ITGBL1: variants seen among roughly 807,000 people sequenced by gnomAD.
ITGBL1 encodes integrin beta-like protein 1.
Under a neutral mutation model 68.5 loss-of-function variants are expected in ITGBL1, and 51 were observed. The observed-to-expected ratio is 0.74, with a 90% CI of 0.59 to 0.94. The LOEUF is 0.94. ITGBL1 is among the 40% of genes least tolerant of loss of function. The probability of loss-of-function intolerance (pLI) is 0.00; values close to 1 mark genes in which losing one functional copy is unlikely to be tolerated. For synonymous variants in ITGBL1, 209 were observed against 227.3 expected (o/e 0.92, Z 0.72); for missense variants, 649 against 647.4 (o/e 1.00, Z -0.03).
intron 7 of ITGBL1, among the ~76,000 whole-genome samples, chr13:101,657,451 C>G (rs1375746408): frequency 2.0e-5 from 3 of 152,114 alleles, no homozygotes; most frequent in Non-Finnish European, 4.4e-5. Context: ...AAGTGCCCAT[C>G]AAACATTTTC....
rs115901014 is a variant in ITGBL1 at position 101,634,630 on chromosome 13, G to A, written c.1015+36331G>A. 1.9e-3 allele frequency among the ~76,000 whole-genome samples: 289 copies of A among 152,172 alleles called. 1 individual carries two copies. Among genetic ancestry groups the A allele is most frequent in the African/African-American group, 6.2e-3 (256 of 41,546 alleles). Reference sequence around the variant, plus strand: ...TTTCATTCATTTATTCCTTAATTACGTTTTTACAGTGGACCTACTCAGCTA... The same window carrying A: ...TTTCATTCATTTATTCCTTAATTACATTTTTACAGTGGACCTACTCAGCTA... On this transcript the variant is annotated intron_variant, in intron 7 of 10. Coordinates refer to ENST00000376180, the MANE Select transcript of ITGBL1 (RefSeq NM_004791.3).
intron 2 of ITGBL1, among the ~76,000 whole-genome samples, chr13:101,475,422 A>C (rs1029466934): frequency 2.0e-5 from 3 of 152,158 alleles, no homozygotes; most frequent in African/African-American, 7.2e-5. Flanking sequence ...GTTTGCTTAC[A>C]AGACCCAGAA....
At chr13:101,500,399 C>A (rs560962246) in intron 2 of ITGBL1, among the ~76,000 whole-genome samples, 1 of 152,236 alleles carries the variant, frequency 6.6e-6, no homozygotes, top group South Asian at 2.1e-4. Context: ...TCATGTTGCT[C>A]TTTGTCAATG....
intron 2 of ITGBL1, among the ~76,000 whole-genome samples, chr13:101,530,058 A>G (rs937547443): frequency 5.3e-5 from 8 of 152,176 alleles, no homozygotes; most frequent in Admixed American, 5.2e-4. Flanking sequence ...TCTAATAAAG[A>G]AACAGCCTAA....
chr13:101,563,646 T>A (rs1313592829), intron 2 of ITGBL1, among the ~76,000 whole-genome samples: 1 of 151,858 alleles, frequency 6.6e-6, no homozygotes, highest in African/African-American at 2.4e-5. Flanking sequence ...GCAAAGTGAA[T>A]CATAGTTAAA....
At chr13:101,554,486 G>T (rs981429131) in intron 2 of ITGBL1, among the ~76,000 whole-genome samples, 1 of 152,162 alleles carries the variant, frequency 6.6e-6, no homozygotes, top group African/African-American at 2.4e-5. Flanking sequence ...GTCCTTGTGG[G>T]CCCATCTACT....
At chr13:101,713,434 A>G (rs1350156241) in intron 9 of ITGBL1, 1 of 152,172 alleles carries the variant, frequency 6.6e-6, no homozygotes, top group Non-Finnish European at 1.5e-5. Flanking sequence ...TTTCAACGTG[A>G]TTTTGACTCA....
chr13:101,719,872 A>G (rs1458367730), downstream of ITGBL1: 1 of 152,066 alleles, frequency 6.6e-6, no homozygotes, highest in Non-Finnish European at 1.5e-5. Flanking sequence ...TCTGAGGGGA[A>G]AAAAATGGCG....
intron 7 of ITGBL1, among the ~76,000 whole-genome samples, chr13:101,649,852 T>A (rs2032685699): frequency 6.6e-6 from 1 of 152,214 alleles, no homozygotes; most frequent in Admixed American, 6.5e-5. Context: ...CATACCCTCT[T>A]AGTTTCACTT....
At chr13:101,555,694 G>GTA (rs386380482) in intron 2 of ITGBL1, among the ~76,000 whole-genome samples, 5 of 151,930 alleles carry the variant, frequency 3.3e-5, no homozygotes, top group African/African-American at 1.2e-4. Context: ...TTGTGTGTGT[G>GTA]TGTATGTTTT....
chr13:101,583,620 A>T (rs182595042), intron 6 of ITGBL1, among the ~76,000 whole-genome samples: 2 of 152,306 alleles, frequency 1.3e-5, no homozygotes, highest in Non-Finnish European at 2.9e-5. Context: ...GCATGCCCGT[A>T]TCAAAACATC....
intron 7 of ITGBL1, among the ~76,000 whole-genome samples, chr13:101,685,345 T>G (rs1022889658): frequency 6.6e-6 from 1 of 152,068 alleles, no homozygotes; most frequent in Non-Finnish European, 1.5e-5. Flanking sequence ...TGGGTTAGTG[T>G]TGGCACATAA....
intron 6 of ITGBL1, among the ~76,000 whole-genome samples, chr13:101,592,511 C>T (rs976559291): frequency 4.6e-5 from 7 of 151,928 alleles, no homozygotes; most frequent in African/African-American, 1.7e-4. Context: ...ATTGAAGACA[C>T]AAATAAATGG....
intron 2 of ITGBL1, among the ~76,000 whole-genome samples, chr13:101,458,612 C>G (rs948260806): frequency 2.0e-5 from 3 of 151,992 alleles, no homozygotes; most frequent in Admixed American, 1.3e-4. Flanking sequence ...GAGCCTCCCC[C>G]ACCAGTGGAT....
At chr13:101,636,158 T>C (rs1207323934) in intron 7 of ITGBL1, among the ~76,000 whole-genome samples, 1 of 152,136 alleles carries the variant, frequency 6.6e-6, no homozygotes, top group Non-Finnish European at 1.5e-5. Context: ...AGTTTGTCCC[T>C]ATATGTTGGT....
intron 2 of ITGBL1, among the ~76,000 whole-genome samples, chr13:101,463,807 G>A (rs541151496): frequency 3.3e-5 from 5 of 151,552 alleles, no homozygotes; most frequent in African/African-American, 1.2e-4. Flanking sequence ...TTAAAAATAT[G>A]TAATAAACAT....
At chr13:101,707,276 A>G (rs2034283394) in intron 9 of ITGBL1, among the ~76,000 whole-genome samples, 1 of 152,192 alleles carries the variant, frequency 6.6e-6, no homozygotes. Flanking sequence ...TCAGAACTAC[A>G]GAAAAGTAAT....
chr13:101,619,355 C>A (rs1006594559), intron 7 of ITGBL1, among the ~76,000 whole-genome samples: 1 of 151,578 alleles, frequency 6.6e-6, no homozygotes, highest in South Asian at 2.1e-4. Flanking sequence ...AGGGCCCTTA[C>A]AAGTGGACAT....
chr13:101,597,545 T>TTTTTTTTG (rs1277858970), intron 6 of ITGBL1, among the ~76,000 whole-genome samples: 1 of 147,976 alleles, frequency 6.8e-6, no homozygotes, highest in African/African-American at 2.6e-5. Context: ...TTTTTTGTTG[T>TTTTTTTTG]TTTTTTTGTT....
Sources: allele counts gnomAD v4.1 joint callset (sites outside exome capture counted in the v4.1 genomes callset), GRCh38; gene constraint gnomAD v4.1.1; transcripts MANE v1.5; gene names NCBI Gene and HGNC (gene_info 2026-07-23, HGNC 2026-07-21).